Variants in GLIS3 observed in about 807,000 individuals in gnomAD.
GLIS3 encodes zinc finger protein GLIS3.
GLIS3 carries 53 observed loss-of-function variants against 78.6 expected under a neutral mutation model. That is an observed-to-expected ratio of 0.67 (90% CI 0.54 to 0.85). GLIS3 has a LOEUF of 0.85. GLIS3 is among the 40% of genes least tolerant of loss of function. The pLI, the probability that GLIS3 is intolerant of heterozygous loss-of-function variation, is 0.00. For missense variants in GLIS3, 1,703 were observed against 1,231.1 expected (o/e 1.38, Z -5.74); for synonymous variants, 684 against 509.9 (o/e 1.34, Z -4.60).
intron 2 of GLIS3, among the ~76,000 whole-genome samples, chr9:4,196,655 CA>C (rs906204767): frequency 6.6e-6 from 1 of 152,164 alleles, no homozygotes; most frequent in African/African-American, 2.4e-5. Flanking sequence ...ACAAACCAAC[CA>C]AAAGGAAGAA....
At chr9:4,238,674 G>A (rs897332441) in intron 2 of GLIS3, among the ~76,000 whole-genome samples, 1 of 152,170 alleles carries the variant, frequency 6.6e-6, no homozygotes, top group South Asian at 2.1e-4. Context: ...CTGAGCACAT[G>A]TTCTGTCTGT....
At chr9:4,310,577 G>C (rs901662986) in intron 2 of GLIS3, 1 of 152,284 alleles carries the variant, frequency 6.6e-6, no homozygotes, top group Non-Finnish European at 1.5e-5. Context: ...CACATTTGCA[G>C]TGCCCCTCCC....
chr9:4,397,024 C>CTTTTTTTTTTTTTTTT, the GLIS3 span, among the ~76,000 whole-genome samples: 7 of 121,192 alleles, frequency 5.8e-5, no homozygotes, highest in Non-Finnish European at 1.1e-4. Context: ...TTCTTTTTTT[C>CTTTTTTTTTTTTTTTT]TTTTTTTTTT....
chr9:4,101,871 A>T (rs1375038469), intron 4 of GLIS3, among the ~76,000 whole-genome samples: 1 of 152,204 alleles, frequency 6.6e-6, no homozygotes, highest in Admixed American at 6.6e-5. Context: ...AACTTATTCC[A>T]ATCAGAAGAA....
intron 2 of GLIS3, among the ~76,000 whole-genome samples, chr9:4,319,687 G>A (rs1233204515): frequency 3.3e-5 from 5 of 151,976 alleles, no homozygotes; most frequent in Admixed American, 6.6e-5. Context: ...TTGCCACCAC[G>A]CCTGGCTAAT....
intron 4 of GLIS3, among the ~76,000 whole-genome samples, chr9:3,942,655 T>A (rs1816012508): frequency 6.6e-6 from 1 of 152,212 alleles, no homozygotes; most frequent in Admixed American, 6.5e-5. Context: ...GAAGCTTCTT[T>A]CTAGAGCAGG....
At chr9:4,072,225 G>T (rs758169773) in intron 4 of GLIS3, among the ~76,000 whole-genome samples, 1 of 152,182 alleles carries the variant, frequency 6.6e-6, no homozygotes, top group Non-Finnish European at 1.5e-5. Context: ...AGGTCACCTT[G>T]ATAATATTAG....
intron 2 of GLIS3, among the ~76,000 whole-genome samples, chr9:4,226,096 A>C (rs1478429236): frequency 6.6e-6 from 1 of 152,184 alleles, no homozygotes; most frequent in Non-Finnish European, 1.5e-5. Context: ...TCAACTTCAA[A>C]CATACGCTGG....
the GLIS3 span, among the ~76,000 whole-genome samples, chr9:4,358,328 A>T: frequency 8.3e-6 from 1 of 120,214 alleles, no homozygotes; most frequent in African/African-American, 2.8e-5. Context: ...GTAATTTACA[A>T]AAAAAAGAGA....
the GLIS3 span, among the ~76,000 whole-genome samples, chr9:4,357,447 C>A: frequency 1.4e-3 from 211 of 152,266 alleles, no homozygotes; most frequent in Admixed American, 3.7e-3. Flanking sequence ...CTATCGCTCT[C>A]CTGCTTCTCA....
Position 3,874,780 on chromosome 9 carries a change from G to A in GLIS3, c.2297+4647C>T, listed in dbSNP as rs116670684. On this transcript the variant is annotated intron_variant, in intron 8 of 10. Coordinates refer to ENST00000381971, the MANE Select transcript of GLIS3 (RefSeq NM_001042413.2). Reference sequence around the variant, plus strand: ...AACGTTTTGTGTTGATTATTGTTGAGTGAGAGAACAGAAAAAACACTTTGT... The same window carrying A: ...AACGTTTTGTGTTGATTATTGTTGAATGAGAGAACAGAAAAAACACTTTGT... 9.8e-3 allele frequency among the ~76,000 whole-genome samples: 1,500 copies of A among 152,300 alleles called. 29 individuals are homozygous for A. Among genetic ancestry groups the A allele is most frequent in the African/African-American group, 0.034 (1,427 of 41,556 alleles).
At position 3,953,561 on chromosome 9, in the gene GLIS3, T is replaced by G. The variant is rs188134844; in HGVS notation, c.1711-16372A>C. On this transcript the variant is annotated intron_variant, in intron 4 of 10. Transcript: ENST00000381971. ...ACAATGACACAGTAATATAGATGTT[T>G]TCTGCAGGCAATATCTGAATATTTC... Among the ~76,000 whole-genome samples the G allele has an allele frequency of 3.9e-5, 6 of 152,324 alleles. No homozygotes were observed. The East Asian group carries it at 1.2e-3, about 29-fold the overall frequency.
At chr9:3,831,434 C>A (rs1223981824) in intron 9 of GLIS3, among the ~76,000 whole-genome samples, 1 of 152,172 alleles carries the variant, frequency 6.6e-6, no homozygotes, top group African/African-American at 2.4e-5. Context: ...TCACATTCTA[C>A]CTATCACATT....
At chr9:4,074,806 A>G (rs1467510561) in intron 4 of GLIS3, among the ~76,000 whole-genome samples, 1 of 152,230 alleles carries the variant, frequency 6.6e-6, no homozygotes, top group Non-Finnish European at 1.5e-5. Flanking sequence ...TGATCTTGGT[A>G]ACGAGATCTT....
chr9:4,248,525 T>C (rs1486736296), intron 2 of GLIS3, among the ~76,000 whole-genome samples: 1 of 152,248 alleles, frequency 6.6e-6, no homozygotes, highest in Non-Finnish European at 1.5e-5. Flanking sequence ...CTCTTTGCTA[T>C]TGTAAATAGT....
intron 4 of GLIS3, among the ~76,000 whole-genome samples, chr9:3,978,559 G>C (rs765338078): frequency 1.3e-5 from 2 of 151,694 alleles, no homozygotes; most frequent in Non-Finnish European, 2.9e-5. Flanking sequence ...ATACATTACT[G>C]AATCAATCCC....
intron 1 of GLIS3, among the ~76,000 whole-genome samples, chr9:4,289,207 A>T (rs1012220185): frequency 6.6e-6 from 1 of 152,202 alleles, no homozygotes; most frequent in African/African-American, 2.4e-5. Flanking sequence ...TCATCCATAA[A>T]AAGTTCAGGA....
chr9:4,396,760 T>C, the GLIS3 span, among the ~76,000 whole-genome samples: 3 of 152,280 alleles, frequency 2.0e-5, no homozygotes, highest in South Asian at 6.2e-4. Context: ...AGGACATACC[T>C]CGTTAGTCCT....
At chr9:4,370,869 T>C in the GLIS3 span, among the ~76,000 whole-genome samples, 2 of 152,058 alleles carry the variant, frequency 1.3e-5, no homozygotes, top group Admixed American at 6.5e-5. Context: ...TATGAATATA[T>C]AGGAACCACA....
Sources: gnomAD v4.1 joint callset for allele counts (sites outside exome capture counted in the v4.1 genomes callset) on GRCh38, gnomAD v4.1.1 for gene constraint, MANE v1.5 for transcripts, NCBI Gene and HGNC (gene_info 2026-07-23, HGNC 2026-07-21) for gene names.